ESYT2: variants seen among roughly 807,000 people sequenced by gnomAD.
ESYT2 encodes extended synaptotagmin 2.
Under a neutral mutation model 107.2 loss-of-function variants are expected in ESYT2, and 54 were observed. That is an observed-to-expected ratio of 0.50 (90% CI 0.40 to 0.63). The LOEUF is 0.63. ESYT2 is among the 30% of genes least tolerant of loss of function. ESYT2 has a pLI of 0.00. For synonymous variants in ESYT2, 491 were observed against 434.1 expected, an observed-to-expected ratio of 1.13 and a Z score of -1.63; for missense variants, 1,020 against 1,094.5, an observed-to-expected ratio of 0.93 and a Z score of 0.96.
chr7:158,808,321 C>T (rs1159134127), intron 1 of ESYT2, among the ~76,000 whole-genome samples: 1 of 152,238 alleles, frequency 6.6e-6, no homozygotes, highest in Non-Finnish European at 1.5e-5. Context: ...CCGTCCGGCA[C>T]GTTCGCGCCG....
At chr7:158,740,424 C>T (rs573956771) in intron 18 of ESYT2, among the ~76,000 whole-genome samples, 18 of 152,344 alleles carry the variant, frequency 1.2e-4, no homozygotes, top group African/African-American at 4.3e-4. Flanking sequence ...GTCCTTATTA[C>T]AAGCATCAGC....
chr7:158,826,435 T>C (rs1563045172), intron 1 of ESYT2, among the ~76,000 whole-genome samples: 1 of 151,940 alleles, frequency 6.6e-6, no homozygotes, highest in East Asian at 1.9e-4. Context: ...AAATTCTTCA[T>C]GAGGTGAACA....
chr7:158,795,685 C>T (rs892388444), intron 3 of ESYT2, among the ~76,000 whole-genome samples: 6 of 152,194 alleles, frequency 3.9e-5, no homozygotes, highest in Non-Finnish European at 7.3e-5. Flanking sequence ...TTAACCTGCA[C>T]TCACATGGCA....
At chr7:158,751,746 T>C (rs770210094) in intron 14 of ESYT2, among the ~76,000 whole-genome samples, 11 of 148,004 alleles carry the variant, frequency 7.4e-5, no homozygotes, top group African/African-American at 2.9e-4. Flanking sequence ...AAGTGTCTTG[T>C]TGGAGGTCAC....
rs1840568054 is a variant in ESYT2, at chr7:158,829,460, G to A, written c.-42C>T. ...GCTGCCCTCCCGGCCGAGGCGGGCT[G>A]GGTGCTCGCGCTGATCCCGGGCGGC... On this transcript the variant is annotated 5_prime_UTR_variant, in exon 1 of 23. Transcript: ENST00000275418. 7 of 1,203,184 alleles carry A rather than the reference G, an allele frequency of 5.8e-6. No individual in the cohort carries two copies. Among genetic ancestry groups the A allele is most frequent in the Non-Finnish European group, 7.2e-6 (7 of 971,216 alleles). The allele number at this position is 1,203,184 out of a possible 1,614,324, so 74.5% of individuals were successfully genotyped here. A position where few individuals can be genotyped will look rare whatever the true frequency, so the allele number is the denominator to read the frequency against.
chr7:158,741,955 TG>T, intron 17 of ESYT2, 59 bp from the exon 18 acceptor site: 1 of 1,487,310 alleles, frequency 6.7e-7, no homozygotes, highest in Non-Finnish European at 9.0e-7. Context: ...ATCCTAATAC[TG>T]GAACAGCCTG....
At chr7:158,782,921 C>A (rs1466159687) in intron 6 of ESYT2, among the ~76,000 whole-genome samples, 3 of 152,186 alleles carry the variant, frequency 2.0e-5, no homozygotes, top group Non-Finnish European at 4.4e-5. Flanking sequence ...AAAGCCCAGT[C>A]TGAGGTCCAC....
intron 1 of ESYT2, among the ~76,000 whole-genome samples, chr7:158,811,345 C>T (rs747664665): frequency 2.0e-5 from 3 of 152,116 alleles, no homozygotes; most frequent in Admixed American, 6.5e-5. Context: ...GTTCCTTGTT[C>T]GTGGCTTAAC....
intron 13 of ESYT2, among the ~76,000 whole-genome samples, chr7:158,754,011 G>A (rs575439459): frequency 6.6e-6 from 1 of 152,072 alleles, no homozygotes; most frequent in Non-Finnish European, 1.5e-5. Context: ...GCGGTGTGTG[G>A]GTAGGGGATG....
At chr7:158,758,011 A>ATT (rs879402202) in intron 13 of ESYT2, among the ~76,000 whole-genome samples, 13 of 152,352 alleles carry the variant, frequency 8.5e-5, no homozygotes, top group Middle Eastern at 3.4e-3. Flanking sequence ...ATACTTAATG[A>ATT]AATAACTTTT....
chr7:158,743,451 T>C (rs1032630308), intron 17 of ESYT2, 78 bp downstream of exon 17: 39 of 1,540,834 alleles, frequency 2.5e-5, no homozygotes, highest in Non-Finnish European at 3.2e-5. Flanking sequence ...ACCGGCCTCA[T>C]GCCCGGGGCC....
intron 1 of ESYT2, among the ~76,000 whole-genome samples, chr7:158,815,929 C>T: frequency 6.6e-6 from 1 of 152,302 alleles, no homozygotes; most frequent in East Asian, 1.9e-4. Context: ...CTAAGCCTTC[C>T]TGGCTCCTGA....
intron 1 of ESYT2, among the ~76,000 whole-genome samples, chr7:158,828,689 G>T (rs1008013533): frequency 7.9e-5 from 12 of 152,234 alleles, no homozygotes; most frequent in Admixed American, 7.8e-4. Context: ...TCAGGACTAG[G>T]GCGGGAGCGG....
At chr7:158,826,529 T>A (rs970052441) in intron 1 of ESYT2, among the ~76,000 whole-genome samples, 13 of 151,492 alleles carry the variant, frequency 8.6e-5, no homozygotes, top group African/African-American at 2.4e-4. Context: ...TTTTTTTTTT[T>A]AAAGAATTTC....
At chr7:158,804,968 T>A (rs779464703) in intron 1 of ESYT2, among the ~76,000 whole-genome samples, 2 of 152,158 alleles carry the variant, frequency 1.3e-5, no homozygotes, top group African/African-American at 4.8e-5. Context: ...ATTATCAGAT[T>A]ACGATGAGAA....
At chr7:158,793,162 G>A (rs1319414544) in intron 4 of ESYT2, among the ~76,000 whole-genome samples, 2 of 152,248 alleles carry the variant, frequency 1.3e-5, no homozygotes, top group African/African-American at 2.4e-5. Flanking sequence ...TTTTTATCAT[G>A]AAAGGGTATT....
chr7:158,829,122 G>A lies in ESYT2; in HGVS notation c.297C>T (p.Arg99=). 1 of 1,576,010 alleles carries A rather than the reference G, an allele frequency of 6.3e-7. No homozygotes were observed. ...GCAGGTCGCAGGCGCGCACCCCCAGGCGCACGACGCGCTCCTCGTCTTCCA... is the reference window on the plus strand; with the variant it reads ...GCAGGTCGCAGGCGCGCACCCCCAGACGCACGACGCGCTCCTCGTCTTCCA... ...ALLEDEERVV[R]LGVRACDLPA... is the part of the protein sequence containing the mutation. Residue 99 remains arginine, a synonymous_variant, in exon 1 of 23, where the codon CGC becomes CGT. Coordinates refer to ENST00000275418, the MANE Select transcript of ESYT2 (RefSeq NM_001367773.1).
intron 6 of ESYT2, among the ~76,000 whole-genome samples, chr7:158,775,085 T>C (rs1357577251): frequency 2.0e-5 from 3 of 152,232 alleles, no homozygotes; most frequent in African/African-American, 4.8e-5. Flanking sequence ...AAAGGGAATA[T>C]TGCAACATGT....
intron 19 of ESYT2, among the ~76,000 whole-genome samples, chr7:158,737,432 T>C (rs1485095593): frequency 6.6e-6 from 1 of 152,146 alleles, no homozygotes; most frequent in Admixed American, 6.5e-5. Context: ...TGGAGGACGT[T>C]CCAAGTCCTT....
Sources: gnomAD v4.1 joint callset for allele counts (sites outside exome capture counted in the v4.1 genomes callset) on GRCh38, gnomAD v4.1.1 for gene constraint, MANE v1.5 for transcripts, NCBI Gene and HGNC (gene_info 2026-07-23, HGNC 2026-07-21) for gene names.